The following PRP4K variants were observed in gnomAD, a reference collection of about 807,000 sequenced individuals.
PRP4K encodes the protein serine/threonine-protein kinase PRP4 homolog.
At chr6:4,052,055 A>G in the PRP4K span, 42 of 1,602,100 alleles carry the variant, frequency 2.6e-5, no homozygotes, top group Admixed American at 5.2e-5. Flanking sequence ...AGGCACTTCT[A>G]TCACAAGCAG....
At chr6:4,029,055 T>A in the PRP4K span, among the ~76,000 whole-genome samples, 1 of 147,788 alleles carries the variant, frequency 6.8e-6, no homozygotes, top group African/African-American at 2.5e-5. Context: ...GGATTCTCTC[T>A]GTTGCCCAGG....
chr6:4,024,225 G>C, the PRP4K span, among the ~76,000 whole-genome samples: 3 of 152,122 alleles, frequency 2.0e-5, no homozygotes, highest in African/African-American at 7.2e-5. Flanking sequence ...TGCCCAGGCT[G>C]TTCTTGAACT....
chr6:4,027,595 A>C, the PRP4K span, among the ~76,000 whole-genome samples: 3 of 18,878 alleles, frequency 1.6e-4, no homozygotes, highest in South Asian at 3.8e-3. Flanking sequence ...TATTTGGCGG[A>C]GGGGTGGGGG....
chr6:4,024,330 C>G, the PRP4K span, among the ~76,000 whole-genome samples: 12,657 of 151,830 alleles, frequency 0.083, 606 homozygotes, highest in Non-Finnish European at 0.098. Context: ...ATAGTGAGAC[C>G]CAGTTTCTTA....
the PRP4K span, chr6:4,061,764 A>G: frequency 6.6e-6 from 1 of 152,636 alleles, no homozygotes; most frequent in African/African-American, 2.4e-5. Flanking sequence ...ATGTGACTTT[A>G]AAGTGTTGTC....
At chr6:4,042,369 T>C in the PRP4K span, 5 of 709,742 alleles carry the variant, frequency 7.0e-6, no homozygotes, top group African/African-American at 1.9e-5. Flanking sequence ...ACAAAAGTAA[T>C]AGGACTTAAG....
the PRP4K span, among the ~76,000 whole-genome samples, chr6:4,021,778 A>G: frequency 1.3e-5 from 2 of 152,012 alleles, no homozygotes; most frequent in South Asian, 2.1e-4. Flanking sequence ...GCGCTTTCCT[A>G]TGCCTCTTTT....
chr6:4,046,320 A>G, the PRP4K span, among the ~76,000 whole-genome samples: 1 of 152,224 alleles, frequency 6.6e-6, no homozygotes, highest in Non-Finnish European at 1.5e-5. Flanking sequence ...ATGTTTAGCT[A>G]GTATCAGAGG....
the PRP4K span, among the ~76,000 whole-genome samples, chr6:4,024,710 C>G: frequency 6.6e-6 from 1 of 152,160 alleles, no homozygotes; most frequent in African/African-American, 2.4e-5. Context: ...TCAAGTGATT[C>G]TCCTGTCTCT....
chr6:4,053,901 T>C, the PRP4K span, among the ~76,000 whole-genome samples: 5 of 104,828 alleles, frequency 4.8e-5, no homozygotes, highest in African/African-American at 1.7e-4. Context: ...TTTCTTTTGT[T>C]TTTTTTGTTT....
At chr6:4,035,644 T>C in the PRP4K span, among the ~76,000 whole-genome samples, 5 of 152,100 alleles carry the variant, frequency 3.3e-5, no homozygotes, top group African/African-American at 7.2e-5. Context: ...TGCTGAAACA[T>C]GCAAGGCAGG....
chr6:4,023,574 C>T, the PRP4K span, among the ~76,000 whole-genome samples: 3 of 152,156 alleles, frequency 2.0e-5, no homozygotes, highest in Non-Finnish European at 4.4e-5. Context: ...CAGAAAGATA[C>T]ATTTTTTGAT....
chr6:4,024,369 G>A, the PRP4K span, among the ~76,000 whole-genome samples: 22 of 152,226 alleles, frequency 1.4e-4, 1 homozygote, highest in Admixed American at 1.2e-3. Context: ...ACTTGTCAGA[G>A]AAATAGGCTT....
At chr6:4,053,248 TC>T in the PRP4K span, among the ~76,000 whole-genome samples, 1 of 152,216 alleles carries the variant, frequency 6.6e-6, no homozygotes, top group Admixed American at 6.5e-5. Context: ...ATTTTATAGC[TC>T]CCTAAGCTGT....
the PRP4K span, among the ~76,000 whole-genome samples, chr6:4,047,615 A>C: frequency 6.6e-6 from 1 of 152,150 alleles, no homozygotes; most frequent in Non-Finnish European, 1.5e-5. Context: ...GGGCCTCTAT[A>C]TTATATTAGT....
chr6:4,033,393 A>G, the PRP4K span, among the ~76,000 whole-genome samples: 3 of 152,154 alleles, frequency 2.0e-5, no homozygotes, highest in Non-Finnish European at 4.4e-5. Flanking sequence ...GTTCTTATAA[A>G]TCCTCATGTG....
At chr6:4,050,204 T>C in the PRP4K span, among the ~76,000 whole-genome samples, 2 of 19,774 alleles carry the variant, frequency 1.0e-4, 1 homozygote, top group Non-Finnish European at 2.4e-4. Flanking sequence ...TTTTTTGTAT[T>C]TTTAATAGAG....
At chr6:4,022,709 A>G in the PRP4K span, among the ~76,000 whole-genome samples, 1 of 152,192 alleles carries the variant, frequency 6.6e-6, no homozygotes, top group East Asian at 1.9e-4. Context: ...TATTTTTACA[A>G]TTTGACTTAG....
At chr6:4,057,040 A>G in the PRP4K span, 1 of 1,561,758 alleles carries the variant, frequency 6.4e-7, no homozygotes, top group Non-Finnish European at 8.6e-7. Context: ...TTTCAGTTAT[A>G]GGTAAAAGCT....
Sources: gnomAD v4.1 joint callset for allele counts (sites outside exome capture counted in the v4.1 genomes callset) on GRCh38, gnomAD v4.1.1 for gene constraint, MANE v1.5 for transcripts, NCBI Gene and HGNC (gene_info 2026-07-23, HGNC 2026-07-21) for gene names.